The following MTCH2 variants were observed in gnomAD, a reference collection of about 807,000 sequenced individuals.
MTCH2 encodes the protein mitochondrial carrier homolog 2.
A neutral mutation model predicts 50.6 loss-of-function variants in MTCH2; 25 were observed. The observed-to-expected ratio is 0.49, with a 90% CI of 0.36 to 0.69. MTCH2 has a LOEUF of 0.69. MTCH2 is among the 30% of genes least tolerant of loss of function. The pLI is 0.00. For missense variants in MTCH2, 273 were observed against 384.4 expected (o/e 0.71, Z 2.42); for synonymous variants, 106 against 132.0 (o/e 0.80, Z 1.35).
chr11:47,631,401 C>G (rs1014732963), intron 6 of MTCH2, among the ~76,000 whole-genome samples: 1 of 151,944 alleles, frequency 6.6e-6, no homozygotes, highest in Non-Finnish European at 1.5e-5. Flanking sequence ...AAGAGTGAAA[C>G]TCCGTCTCAA....
chr11:47,611,809 G>A, the MTCH2 span, among the ~76,000 whole-genome samples: 20 of 152,312 alleles, frequency 1.3e-4, no homozygotes, highest in East Asian at 3.3e-3. Flanking sequence ...GTTGCAATAA[G>A]ATGATTCCAG....
the MTCH2 span, among the ~76,000 whole-genome samples, chr11:47,611,471 A>T: frequency 6.6e-6 from 1 of 152,114 alleles, no homozygotes; most frequent in African/African-American, 2.4e-5. Flanking sequence ...TCTTCATGCT[A>T]CTCTGTGTGG....
chr11:47,614,345 A>T (rs1284620945), downstream of MTCH2, among the ~76,000 whole-genome samples: 1 of 152,236 alleles, frequency 6.6e-6, no homozygotes, highest in African/African-American at 2.4e-5. Flanking sequence ...CATGACAATT[A>T]GAACTTCTAC....
chr11:47,627,010 C>G lies in MTCH2; in HGVS notation c.681+70G>C, dbSNP rs78695990. The G allele has an allele frequency of 0.025, 29,651 of 1,207,990 alleles. 2,409 individuals are homozygous for G. In the African/African-American group the frequency reaches 0.27, roughly 11 times the overall value. 74.8% of individuals were successfully genotyped at this position (1,207,990 alleles called of 1,614,324 possible). On this transcript the variant is annotated intron_variant, in intron 10 of 12. Transcript: ENST00000302503. ...ATCTTAAAGCAGTGATGACACAAGCCAGATTTAAAAGGAAAACAAAACAAA... is the reference window on the plus strand; with the variant it reads ...ATCTTAAAGCAGTGATGACACAAGCGAGATTTAAAAGGAAAACAAAACAAA...
chr11:47,631,824 C>A, intron 5 of MTCH2, 113 bp from the exon 6 acceptor site: 2 of 1,043,250 alleles, frequency 1.9e-6, no homozygotes, highest in Non-Finnish European at 2.9e-6. Context: ...ATGACACAGC[C>A]CTCCTGCCCT....
In MTCH2 at chr11:47,617,702, A is replaced by C. The variant is rs1033573038; in HGVS notation, c.*1131T>G. 6.6e-6 allele frequency: 1 copy of C among 152,546 alleles called. No individual in the cohort carries two copies. Among genetic ancestry groups the C allele is most frequent in the African/African-American group, 2.4e-5 (1 of 41,456 alleles). 9.4% of individuals were successfully genotyped at this position (152,546 alleles called of 1,614,324 possible). ...TGCTTTTTAGAAGGCCTGAGTAAAC[A>C]GAAGCTTTATGCTTGAGTTGAATTT... On this transcript the variant is annotated 3_prime_UTR_variant, in exon 13 of 13. Transcript: ENST00000302503.
At chr11:47,619,770 G>A (rs998077085) in intron 12 of MTCH2, among the ~76,000 whole-genome samples, 4 of 151,894 alleles carry the variant, frequency 2.6e-5, no homozygotes, top group Non-Finnish European at 4.4e-5. Context: ...GCAAAACCCC[G>A]TTGCTACAAA....
chr11:47,622,614 A>G, intron 12 of MTCH2, 87 bp downstream of exon 12: 2 of 1,080,076 alleles, frequency 1.9e-6, no homozygotes, highest in Non-Finnish European at 2.7e-6. Context: ...ACAAGAGTTA[A>G]CTTGGGATTC....
chr11:47,618,450 A>G lies in MTCH2; in HGVS notation c.*383T>C. 1 of 254,014 alleles carries G rather than the reference A, an allele frequency of 3.9e-6. No homozygotes were observed. The highest frequency in any genetic ancestry group is 7.6e-6 in the Non-Finnish European group (1 of 131,878). The allele number at this position is 254,014 out of a possible 1,614,324, so 15.7% of individuals were successfully genotyped here. On this transcript the variant is annotated 3_prime_UTR_variant, in exon 13 of 13. Transcript: ENST00000302503. ...ACCTCCCATATAGTTTAATTTAGTG[A>G]TTTTGTTAAGTTTTACAAAATTATT...
chr11:47,633,526 ATTT>A (rs869251946), intron 5 of MTCH2, among the ~76,000 whole-genome samples: 52 of 35,038 alleles, frequency 1.5e-3, no homozygotes, highest in South Asian at 3.5e-3. Context: ...ATATATATAT[ATTT>A]TTTTTTTTTT....
In MTCH2 at chr11:47,630,538, A is replaced by G; in HGVS notation, c.539+17T>C. On this transcript the variant is annotated intron_variant, in intron 8 of 12. Coordinates refer to ENST00000302503, the MANE Select transcript of MTCH2 (RefSeq NM_014342.4). ...CCCACTCATGCAAAAATTACACACT[A>G]ATCAACATTTACTCACGCGAAAAAT... The G allele has an allele frequency of 6.3e-7, 1 of 1,593,900 alleles. No individual in the cohort carries two copies. The highest frequency in any genetic ancestry group is 8.6e-7 in the Non-Finnish European group (1 of 1,161,928).
At chr11:47,606,218 G>A in the MTCH2 span, among the ~76,000 whole-genome samples, 2 of 152,150 alleles carry the variant, frequency 1.3e-5, no homozygotes, top group Non-Finnish European at 2.9e-5. Flanking sequence ...TCTAACCCCT[G>A]TTTTGCTGAA....
At chr11:47,605,412 A>G in the MTCH2 span, among the ~76,000 whole-genome samples, 2 of 151,684 alleles carry the variant, frequency 1.3e-5, no homozygotes, top group Non-Finnish European at 2.9e-5. Flanking sequence ...TCCTATGCTT[A>G]TGCAGCTGAT....
Position 47,629,048 on chromosome 11 carries a change from T to C in MTCH2, c.540-2A>G, listed in dbSNP as rs2097300634. 6.2e-7 allele frequency: 1 copy of C among 1,611,174 alleles called. No individual in the cohort carries two copies. The highest frequency in any genetic ancestry group is 8.5e-7 in the Non-Finnish European group (1 of 1,178,404). On this transcript the variant is annotated splice_acceptor_variant, in intron 8 of 12. Coordinates refer to ENST00000302503, the MANE Select transcript of MTCH2 (RefSeq NM_014342.4). LOFTEE classifies it high-confidence loss of function. ...CCTAGAAGGCGAGGAACAAGACCCC[T>C]ACATGAAGAAACAATAAAAATAAGA...
At chr11:47,608,819 G>A in the MTCH2 span, among the ~76,000 whole-genome samples, 3 of 151,904 alleles carry the variant, frequency 2.0e-5, no homozygotes, top group Non-Finnish European at 4.4e-5. Context: ...TTAGCCGGGC[G>A]TGGTGGTGGG....
chr11:47,630,508 C>T (rs766950615), intron 8 of MTCH2, 47 bp downstream of exon 8: 22 of 1,471,954 alleles, frequency 1.5e-5, no homozygotes, highest in Non-Finnish European at 2.0e-5. Flanking sequence ...TTTCAGAAAA[C>T]GTTTCCCACT....
At chr11:47,621,862 A>G (rs540442830) in intron 12 of MTCH2, among the ~76,000 whole-genome samples, 14 of 151,126 alleles carry the variant, frequency 9.3e-5, no homozygotes, top group Admixed American at 7.9e-4. Context: ...CACCATACCT[A>G]GCCGTTATTT....
At chr11:47,615,108 G>C (rs1490578423), downstream of MTCH2, among the ~76,000 whole-genome samples, 1 of 124,720 alleles carries the variant, frequency 8.0e-6, no homozygotes, top group African/African-American at 3.1e-5. Context: ...GCGACCATAG[G>C]TCAGTACAGC....
At chr11:47,630,635 G>T in intron 7 of MTCH2, 21 bp from the exon 8 acceptor site, 1 of 1,584,950 alleles carries the variant, frequency 6.3e-7, no homozygotes, top group Non-Finnish European at 8.7e-7. Flanking sequence ...AAGAAGAAAA[G>T]GTAAAATATA....
Sources: allele counts gnomAD v4.1 joint callset (sites outside exome capture counted in the v4.1 genomes callset), GRCh38; gene constraint gnomAD v4.1.1; transcripts MANE v1.5; gene names NCBI Gene and HGNC (gene_info 2026-07-23, HGNC 2026-07-21).